The following FBXW10 variants were observed in gnomAD, a reference collection of about 807,000 sequenced individuals.
FBXW10 encodes F-box/WD repeat-containing protein 10.
In FBXW10, 68 loss-of-function variants were observed where a neutral mutation model predicts 113.1. The observed-to-expected ratio is 0.60, with a 90% CI of 0.49 to 0.74. FBXW10 has a LOEUF of 0.74. Among genes scored for constraint, FBXW10 ranks in the 30% least tolerant of loss-of-function variants. The pLI is 0.00. For synonymous variants in FBXW10, 289 were observed against 481.6 expected (o/e 0.60, Z 5.24); for missense variants, 753 against 1,284.5 (o/e 0.59, Z 6.32).
chr17:18,777,548 CT>C (rs879356764), intron 13 of FBXW10, among the ~76,000 whole-genome samples: 160 of 139,898 alleles, frequency 1.1e-3, no homozygotes, highest in Middle Eastern at 3.6e-3. Context: ...TTCACATTTT[CT>C]TTTTTTTTTT....
chr17:18,745,415 T>A (rs1202205341), intron 1 of FBXW10: 1 of 243,648 alleles, frequency 4.1e-6, no homozygotes, highest in East Asian at 1.8e-4. Context: ...GGATTCTGTA[T>A]GTCTTTTCTT....
At position 18,764,595 on chromosome 17, in the gene FBXW10, C is replaced by A. The variant is rs2035450344; in HGVS notation, c.1434-147C>A. On this transcript the variant is annotated intron_variant, in intron 7 of 13. Coordinates refer to ENST00000395665, the MANE Select transcript of FBXW10 (RefSeq NM_001267585.2). ...AAGTTACACCAAATAGGTGCTGCAG[C>A]TGGGATTCAAATCCAGGCCCCTGAC... 3 of 1,235,276 alleles carry A rather than the reference C, an allele frequency of 2.4e-6. No homozygotes were observed. In the Admixed American group the frequency reaches 8.5e-5, roughly 35 times the overall value. The allele number at this position is 1,235,276 out of a possible 1,614,324, so 76.5% of individuals were successfully genotyped here. A position where few individuals can be genotyped will look rare whatever the true frequency, so the allele number is the denominator to read the frequency against.
intron 4 of FBXW10, among the ~76,000 whole-genome samples, 163 bp from the exon 5 acceptor site, chr17:18,750,768 G>C (rs1193739763): frequency 6.6e-6 from 1 of 152,182 alleles, no homozygotes; most frequent in Non-Finnish European, 1.5e-5. Flanking sequence ...TGCACACACT[G>C]CCAGAGGAAC....
At chr17:18,752,359 T>A (rs2035186564) in intron 5 of FBXW10, among the ~76,000 whole-genome samples, 1 of 152,218 alleles carries the variant, frequency 6.6e-6, no homozygotes, top group African/African-American at 2.4e-5. Context: ...TGAAATCTCT[T>A]GCTTTTATTA....
At chr17:18,763,489 G>A (rs2035426484) in intron 7 of FBXW10, among the ~76,000 whole-genome samples, 1 of 151,944 alleles carries the variant, frequency 6.6e-6, no homozygotes, top group African/African-American at 2.4e-5. Context: ...GTTTACAGAT[G>A]AAGAAACTGA....
chr17:18,767,606 C>T (rs1400993764), intron 9 of FBXW10, among the ~76,000 whole-genome samples: 2 of 152,030 alleles, frequency 1.3e-5, no homozygotes, highest in Non-Finnish European at 2.9e-5. Context: ...GGTCATGAAA[C>T]ATATTCTTGC....
chr17:18,764,239 A>G (rs1295671996), intron 7 of FBXW10, among the ~76,000 whole-genome samples: 13 of 132,864 alleles, frequency 9.8e-5, no homozygotes, highest in Admixed American at 4.5e-4. Context: ...GTCTCGCTCT[A>G]TTGGCAGGCT....
chr17:18,766,472 G>T (rs1441619629), intron 8 of FBXW10, among the ~76,000 whole-genome samples: 1 of 152,200 alleles, frequency 6.6e-6, no homozygotes, highest in Admixed American at 6.5e-5. Context: ...CCATAGCCAA[G>T]GTCTTCTGGA....
chr17:18,744,611 T>C lies in FBXW10; in HGVS notation c.367T>C (p.Tyr123His), dbSNP rs1234494766. 6.2e-7 allele frequency: 1 copy of C among 1,614,022 alleles called. No homozygotes were observed. Among genetic ancestry groups the C allele is most frequent in the Non-Finnish European group, 8.5e-7 (1 of 1,179,886 alleles). Reference sequence around the variant, plus strand: ...AGAACAGAAGATGAAAGAGATCTTGTACTGGTTTGCGAACAGCACCCAGTG... The same window carrying C: ...AGAACAGAAGATGAAAGAGATCTTGCACTGGTTTGCGAACAGCACCCAGTG... ...TVEQKMKEIL[Y>H]WFANSTQWTK... The change falls in exon 1 of 14, where the codon TAC (tyrosine) becomes CAC (histidine). Residue 123 changes from tyrosine to histidine, a missense_variant. By Grantham distance (83) the Tyr-to-His change is moderately conservative (BLOSUM62 2). Transcript: ENST00000395665.
At chr17:18,768,051 C>CTTCCTTCCTTCCTTCCTTCCTTCT (rs1257481213) in intron 9 of FBXW10, among the ~76,000 whole-genome samples, 8 of 91,778 alleles carry the variant, frequency 8.7e-5, no homozygotes, top group Admixed American at 1.2e-4. Context: ...TCCTTCCTTC[C>CTTCCTTCCTTCCTTCCTTCCTTCT]TTCTTTCTTT....
chr17:18,775,085 C>A, intron 12 of FBXW10, 51 bp from the exon 13 acceptor site: 1 of 1,163,414 alleles, frequency 8.6e-7, no homozygotes, highest in Non-Finnish European at 1.3e-6. Flanking sequence ...TTATTTTATG[C>A]CCTAATCGAA....
intron 13 of FBXW10, among the ~76,000 whole-genome samples, chr17:18,776,860 ATAT>A: frequency 6.6e-6 from 1 of 152,172 alleles, no homozygotes; most frequent in East Asian, 1.9e-4. Context: ...ATTGTATGGA[ATAT>A]TATATACAGC....
chr17:18,762,277 T>C (rs1437134314), intron 7 of FBXW10, among the ~76,000 whole-genome samples: 1 of 151,538 alleles, frequency 6.6e-6, no homozygotes, highest in East Asian at 1.9e-4. Context: ...TTGGTTTTTC[T>C]ACGTAGACAA....
intron 12 of FBXW10, among the ~76,000 whole-genome samples, chr17:18,773,254 C>T (rs371757116): frequency 7.2e-5 from 11 of 152,114 alleles, no homozygotes; most frequent in African/African-American, 1.7e-4. Context: ...GATTTTCAAA[C>T]TTATAAGAAC....
In FBXW10 at chr17:18,778,913, G is replaced by A; in HGVS notation, c.2774G>A (p.Gly925Glu). The change falls in exon 14 of 14, where the codon GGA becomes GAA. Residue 925 changes from glycine to glutamate, a missense_variant. Transcript: ENST00000395665. ...RSRFSGSLKGGDQVTSSIERA... is the reference protein window; with the variant it reads ...RSRFSGSLKGEDQVTSSIERA... Reference sequence around the variant, plus strand: ...AGGTTCTCTGGCAGCTTAAAGGGTGGAGACCAAGTGACCAGTTCAATTGAA... The same window carrying A: ...AGGTTCTCTGGCAGCTTAAAGGGTGAAGACCAAGTGACCAGTTCAATTGAA... 1 of 1,613,522 alleles carries A rather than the reference G, an allele frequency of 6.2e-7. No homozygotes were observed.
In FBXW10 at chr17:18,766,962, A is replaced by G. The variant is rs1247157459; in HGVS notation, c.1704+100A>G. On this transcript the variant is annotated intron_variant, in intron 9 of 13. Transcript: ENST00000395665. ...TCAGGTCATCCTAGAGCAACTGAGT[A>G]TGACCTTCAAGAAGGACAGTCCTGA... 8 of 1,207,348 alleles carry G rather than the reference A, an allele frequency of 6.6e-6. No homozygotes were observed. The East Asian group carries it at 6.8e-5, about 10-fold the overall frequency. 74.8% of individuals were successfully genotyped at this position (1,207,348 alleles called of 1,614,324 possible).
rs2034989225 is a variant in FBXW10 at position 18,744,153 on chromosome 17, G to A, written c.-92G>A. 3 of 1,527,856 alleles carry A rather than the reference G, an allele frequency of 2.0e-6. No individual in the cohort carries two copies. The highest frequency in any genetic ancestry group is 4.3e-5 in the Admixed American group (2 of 46,938). 94.6% of individuals were successfully genotyped at this position (1,527,856 alleles called of 1,614,324 possible). A position where few individuals can be genotyped will look rare whatever the true frequency, so the allele number is the denominator to read the frequency against. Reference sequence around the variant, plus strand: ...GTTTGTAATAGAAAAGGCACAACTGGGGTATTTATTCATTCCCCCCGTTCC... The same window carrying A: ...GTTTGTAATAGAAAAGGCACAACTGAGGTATTTATTCATTCCCCCCGTTCC... On this transcript the variant is annotated 5_prime_UTR_variant, in exon 1 of 14. Transcript: ENST00000395665.
rs373122324 is a variant in FBXW10, at chr17:18,756,085, C to T, written c.1163C>T (p.Thr388Met). ...TGGACTGCATACCAGAACGAGGAAA[C>T]GCAGCAGGTCCTGATAGAGGAGAGA... ...NLWTAYQNEE[T>M]QQVLIEERNV... The change falls in exon 6 of 14, where the codon ACG (threonine) becomes ATG (methionine). Residue 388 changes from threonine to methionine, a missense_variant. By Grantham distance (81) the Thr-to-Met change is moderately conservative. Transcript: ENST00000395665. 567 of 1,613,942 alleles carry T rather than the reference C, an allele frequency of 3.5e-4. 5 individuals are homozygous for T. In the South Asian group the frequency reaches 5.4e-3, roughly 15 times the overall value.
In FBXW10 at chr17:18,772,658, C is replaced by T. The variant is rs1405694972; in HGVS notation, c.2253C>T (p.Leu751=). 1.9e-6 allele frequency: 3 copies of T among 1,611,914 alleles called. No individual in the cohort carries two copies. The highest frequency in any genetic ancestry group is 1.7e-6 in the Non-Finnish European group (2 of 1,179,476). ...GCAAACCTCCCAAGTCCCGAGTACT[C>T]CTGAAGCCGGCCAAGTTCTCTTCAG... The part of the protein sequence containing the change: ...LPGKPPKSRV[L]LKPAKFSSAV... Residue 751 remains leucine, a synonymous_variant, in exon 12 of 14, where the codon CTC becomes CTT. Transcript: ENST00000395665.
Sources: allele counts gnomAD v4.1 joint callset (sites outside exome capture counted in the v4.1 genomes callset), GRCh38; gene constraint gnomAD v4.1.1; transcripts MANE v1.5; gene names NCBI Gene and HGNC (gene_info 2026-07-23, HGNC 2026-07-21).